MDGA2: variants seen among roughly 807,000 people sequenced by gnomAD.
MDGA2 encodes the protein MAM domain-containing glycosylphosphatidylinositol anchor protein 2.
MDGA2 carries 40 observed loss-of-function variants against 117.8 expected under a neutral mutation model. The observed-to-expected ratio is 0.34, with a 90% CI of 0.26 to 0.44. MDGA2 has a LOEUF of 0.44. Ranked by LOEUF, MDGA2 falls within the 20% of genes least tolerant of loss-of-function variation. MDGA2 has a pLI of 1.00. For missense variants in MDGA2, 1,123 were observed against 1,250.6 expected (o/e 0.90, Z 1.54); for synonymous variants, 452 against 439.0 (o/e 1.03, Z -0.37).
intron 9 of MDGA2, among the ~76,000 whole-genome samples, chr14:46,925,705 A>G (rs1001486581): frequency 6.6e-6 from 1 of 152,002 alleles, no homozygotes; most frequent in African/African-American, 2.4e-5. Context: ...ACAATAGAAA[A>G]ATATAAACGA....
At chr14:47,213,595 C>T (rs1958090) in intron 3 of MDGA2, among the ~76,000 whole-genome samples, 133,134 of 152,092 alleles carry the variant, frequency 0.88, 58,402 homozygotes, top group African/African-American at 0.93. Flanking sequence ...TATCTTCTTA[C>T]GTAGTATCTA....
Position 47,354,186 on chromosome 14 carries a change from ACAT to A in MDGA2, c.281-52639_281-52637del, listed in dbSNP as rs1890943599. On this transcript the variant is annotated intron_variant, in intron 1 of 16. Transcript: ENST00000399232. ...GCCATTTATGAAAAGCCCGCAGCTAACATCATAATCAATAGTGAATATTTGAAA... is the reference window on the plus strand; with the variant it reads ...GCCATTTATGAAAAGCCCGCAGCTAACATAATCAATAGTGAATATTTGAAA... 2.0e-5 allele frequency among the ~76,000 whole-genome samples: 3 copies of A among 152,350 alleles called. No homozygotes were observed. In the South Asian group the frequency reaches 6.2e-4, roughly 32 times the overall value.
At chr14:47,525,300 G>A (rs1281706827) in intron 1 of MDGA2, among the ~76,000 whole-genome samples, 4 of 152,012 alleles carry the variant, frequency 2.6e-5, no homozygotes, top group Non-Finnish European at 5.9e-5. Flanking sequence ...CAGTCTCTTG[G>A]TCTTTTATGA....
At position 46,956,420 on chromosome 14, in the gene MDGA2, A is replaced by G. The variant is rs1885563211; in HGVS notation, c.2089+954T>C. On this transcript the variant is annotated intron_variant, in intron 9 of 16. Transcript: ENST00000399232. ...CAGAGGGAATGTTTAAAACACAATG[A>G]CATAAAGAGTCAATACTTCTCCCTA... Among the ~76,000 whole-genome samples, 2 of 152,106 alleles carry G rather than the reference A, an allele frequency of 1.3e-5. 1 individual carries two copies. Among genetic ancestry groups the G allele is most frequent in the African/African-American group, 4.8e-5 (2 of 41,448 alleles).
chr14:47,507,831 T>A (rs1327672924), intron 1 of MDGA2, among the ~76,000 whole-genome samples: 1 of 152,192 alleles, frequency 6.6e-6, no homozygotes, highest in Non-Finnish European at 1.5e-5. Flanking sequence ...GGGCTTAAGA[T>A]CTTTCAGTTG....
chr14:47,509,897 A>G (rs1406788537), intron 1 of MDGA2, among the ~76,000 whole-genome samples: 2 of 152,182 alleles, frequency 1.3e-5, no homozygotes, highest in East Asian at 1.9e-4. Flanking sequence ...GTCTGATCAA[A>G]TGATGTTTAG....
chr14:47,335,208 A>G (rs1890403892), intron 1 of MDGA2, among the ~76,000 whole-genome samples: 1 of 151,254 alleles, frequency 6.6e-6, no homozygotes, highest in South Asian at 2.1e-4. Flanking sequence ...AGCAGCCAAG[A>G]CAGATACAAC....
chr14:47,674,264 C>T (rs1159765845), intron 1 of MDGA2, among the ~76,000 whole-genome samples: 3 of 152,224 alleles, frequency 2.0e-5, no homozygotes, highest in Non-Finnish European at 2.9e-5. Context: ...AAGTGCAAAG[C>T]CGCTCGTTCG....
At chr14:47,147,756 C>G (rs766823251) in intron 3 of MDGA2, among the ~76,000 whole-genome samples, 2 of 152,044 alleles carry the variant, frequency 1.3e-5, no homozygotes, top group African/African-American at 2.4e-5. Flanking sequence ...AAAGCTATTC[C>G]AAGACTCTGG....
chr14:46,970,582 A>G (rs1306035681), intron 8 of MDGA2, among the ~76,000 whole-genome samples: 2 of 152,206 alleles, frequency 1.3e-5, no homozygotes, highest in African/African-American at 4.8e-5. Flanking sequence ...ATTTAAAACT[A>G]TAAAGCCAAC....
chr14:47,065,029 C>T (rs1890030746), intron 6 of MDGA2, among the ~76,000 whole-genome samples: 1 of 152,004 alleles, frequency 6.6e-6, no homozygotes, highest in Non-Finnish European at 1.5e-5. Flanking sequence ...TATTGAAAAT[C>T]CCCTAACACC....
At chr14:47,204,794 A>C (rs1885623490) in intron 3 of MDGA2, among the ~76,000 whole-genome samples, 1 of 151,986 alleles carries the variant, frequency 6.6e-6, no homozygotes, top group African/African-American at 2.4e-5. Flanking sequence ...TCTATTTCTA[A>C]TGTTGAGTTC....
In MDGA2 at chr14:47,675,207, G is replaced by A. The variant is rs925069116; in HGVS notation, c.-411C>T. 6.6e-6 allele frequency among the ~76,000 whole-genome samples: 1 copy of A among 152,150 alleles called. No individual in the cohort carries two copies. Among genetic ancestry groups the A allele is most frequent in the African/African-American group, 2.4e-5 (1 of 41,460 alleles). On this transcript the variant is annotated 5_prime_UTR_variant, in exon 1 of 17. Transcript: ENST00000399232. ...GGCGACAGCGGCCCGCCCGCCCGCA[G>A]TCCGAAGCCCCCAGCCCTGCTGTCT...
chr14:47,392,675 G>C (rs1235457372), intron 1 of MDGA2, among the ~76,000 whole-genome samples: 1 of 152,088 alleles, frequency 6.6e-6, no homozygotes, highest in Non-Finnish European at 1.5e-5. Flanking sequence ...GAACAGATGA[G>C]GAGCTGCTTT....
In MDGA2 at chr14:47,173,453, G is replaced by A. The variant is rs375753188; in HGVS notation, c.596-29179C>T. On this transcript the variant is annotated intron_variant, in intron 3 of 16. Transcript: ENST00000399232. ...ACATCAGACTAACAGCGGATCTCTC[G>A]GCAGAAATTCTACAAGCCAGAAGAG... 9.9e-5 allele frequency among the ~76,000 whole-genome samples: 15 copies of A among 152,262 alleles called. No individual in the cohort carries two copies. In the East Asian group the frequency reaches 2.3e-3, roughly 24 times the overall value.
intron 1 of MDGA2, among the ~76,000 whole-genome samples, chr14:47,446,710 C>T (rs550959927): frequency 6.6e-6 from 1 of 151,348 alleles, no homozygotes; most frequent in East Asian, 2.0e-4. Flanking sequence ...TCTGCATCTC[C>T]TTAGCTAGAT....
chr14:47,559,841 G>T (rs552443495), intron 1 of MDGA2, among the ~76,000 whole-genome samples: 1 of 152,086 alleles, frequency 6.6e-6, no homozygotes, highest in African/African-American at 2.4e-5. Context: ...CCAAAGTGCT[G>T]GGATTACAGG....
chr14:46,971,905 T>A (rs1886281383), intron 8 of MDGA2, among the ~76,000 whole-genome samples: 1 of 152,148 alleles, frequency 6.6e-6, no homozygotes, highest in South Asian at 2.1e-4. Context: ...TTGTTTTAAA[T>A]CCTGTAGTAT....
At position 47,321,638 on chromosome 14, in the gene MDGA2, CT is replaced by C. The variant is rs1333459482; in HGVS notation, c.281-20089del. On this transcript the variant is annotated intron_variant, in intron 1 of 16. Coordinates refer to ENST00000399232, the MANE Select transcript of MDGA2 (RefSeq NM_001113498.3). ...AGACTACCCTGTGATACTCAACTTA[CT>C]GCAATTTTATCTGAGCCAGAGAAAA... 5.9e-5 allele frequency among the ~76,000 whole-genome samples: 9 copies of C among 152,128 alleles called. 1 individual carries two copies. Among genetic ancestry groups the C allele is most frequent in the Non-Finnish European group, 1.3e-4 (9 of 68,020 alleles).
Sources: gnomAD v4.1 joint callset for allele counts (sites outside exome capture counted in the v4.1 genomes callset) on GRCh38, gnomAD v4.1.1 for gene constraint, MANE v1.5 for transcripts, NCBI Gene and HGNC (gene_info 2026-07-23, HGNC 2026-07-21) for gene names.